Variants in NFIL3 observed in about 807,000 individuals in gnomAD.
The protein encoded by NFIL3 is nuclear factor interleukin-3-regulated protein.
In NFIL3, 5 loss-of-function variants were observed where a neutral mutation model predicts 10.0. That is an observed-to-expected ratio of 0.50 (90% CI 0.26 to 1.06). The LOEUF is 1.06. Ranked by LOEUF, NFIL3 falls within the 50% of genes least tolerant of loss-of-function variation. NFIL3 has a pLI of 0.13. For synonymous variants in NFIL3, 202 were observed against 206.5 expected, an observed-to-expected ratio of 0.98 and a Z score of 0.19; for missense variants, 436 against 547.6, an observed-to-expected ratio of 0.80 and a Z score of 2.03.
the NFIL3 span, among the ~76,000 whole-genome samples, chr9:91,479,062 C>T: frequency 6.6e-6 from 1 of 152,186 alleles, no homozygotes; most frequent in Non-Finnish European, 1.5e-5. Context: ...CGGAGCTCTC[C>T]TGTATGAGGT....
At chr9:91,433,190 G>A in the NFIL3 span, among the ~76,000 whole-genome samples, 14 of 152,190 alleles carry the variant, frequency 9.2e-5, no homozygotes, top group African/African-American at 3.4e-4. Context: ...TGGACAAGAT[G>A]TTAATATTTA....
At chr9:91,415,706 C>T (rs1833641777) in intron 1 of NFIL3, among the ~76,000 whole-genome samples, 1 of 151,880 alleles carries the variant, frequency 6.6e-6, no homozygotes, top group Non-Finnish European at 1.5e-5. Flanking sequence ...TGGCTCACCA[C>T]AACTTCCACC....
chr9:91,441,150 G>A, the NFIL3 span, among the ~76,000 whole-genome samples: 2 of 152,012 alleles, frequency 1.3e-5, no homozygotes, highest in African/African-American at 2.4e-5. Flanking sequence ...CTTTCTTCAT[G>A]TCCATTAATA....
intron 1 of NFIL3, among the ~76,000 whole-genome samples, chr9:91,412,038 A>AC (rs1833560153): frequency 7.2e-6 from 1 of 138,562 alleles, no homozygotes. Context: ...GGAGGCAGAG[A>AC]TTGCAGTGAG....
At chr9:91,429,639 C>T in the NFIL3 span, among the ~76,000 whole-genome samples, 2,015 of 151,838 alleles carry the variant, frequency 0.013, 48 homozygotes, top group East Asian at 0.078. Context: ...AAATTGGGTG[C>T]TTGACCGCAT....
At chr9:91,441,432 T>G in the NFIL3 span, among the ~76,000 whole-genome samples, 2 of 152,170 alleles carry the variant, frequency 1.3e-5, no homozygotes, top group South Asian at 2.1e-4. Flanking sequence ...AGGAAGCATA[T>G]AGTTGGATCT....
chr9:91,474,667 T>C, the NFIL3 span, among the ~76,000 whole-genome samples: 1 of 152,228 alleles, frequency 6.6e-6, no homozygotes, highest in Non-Finnish European at 1.5e-5. Flanking sequence ...ACCTAAATTG[T>C]GGATTTTCAT....
the NFIL3 span, among the ~76,000 whole-genome samples, chr9:91,479,263 G>A: frequency 2.6e-5 from 4 of 152,180 alleles, no homozygotes; most frequent in Non-Finnish European, 4.4e-5. Context: ...TTTCCCCCAG[G>A]TGCTCTGTCC....
At chr9:91,422,297 C>G (rs972990046) in intron 1 of NFIL3, among the ~76,000 whole-genome samples, 3 of 152,126 alleles carry the variant, frequency 2.0e-5, no homozygotes, top group African/African-American at 7.2e-5. Context: ...TGCACACAGC[C>G]CTGGAGAAAA....
the NFIL3 span, among the ~76,000 whole-genome samples, chr9:91,445,658 G>A: frequency 3.3e-5 from 5 of 152,136 alleles, no homozygotes; most frequent in African/African-American, 9.7e-5. Context: ...GGCACTGGGG[G>A]CGCAAGACTG....
At chr9:91,464,300 A>G in the NFIL3 span, among the ~76,000 whole-genome samples, 29,962 of 151,836 alleles carry the variant, frequency 0.2, 3,530 homozygotes, top group East Asian at 0.49. Flanking sequence ...GGCATATCAA[A>G]TATACCTCTG....
chr9:91,409,578 G>A lies in NFIL3; in HGVS notation c.1157C>T (p.Thr386Ile). 1 of 1,614,156 alleles carries A rather than the reference G, an allele frequency of 6.2e-7. No individual in the cohort carries two copies. Among genetic ancestry groups the A allele is most frequent in the Non-Finnish European group, 8.5e-7 (1 of 1,180,010 alleles). The part of the protein sequence containing the change: ...SSLTPFSVQV[T>I]NIQDWSLKSE... ...TTTGAGAGACCAATCTTGAATGTTA[G>A]TCACTTGCACTGAGAAAGGAGTAAG... is the stretch of plus-strand genomic sequence containing the variant. The change falls in exon 2 of 2, where the codon ACT becomes ATT. Residue 386 changes from threonine to isoleucine, a missense_variant. By Grantham distance (89) the Thr-to-Ile change is moderately conservative. Transcript: ENST00000297689.
At chr9:91,478,401 A>C in the NFIL3 span, among the ~76,000 whole-genome samples, 1 of 150,996 alleles carries the variant, frequency 6.6e-6, no homozygotes, top group African/African-American at 2.4e-5. Context: ...CATTAAGTTG[A>C]TCTTTAATCT....
the NFIL3 span, among the ~76,000 whole-genome samples, chr9:91,468,991 G>C: frequency 6.6e-6 from 1 of 152,120 alleles, no homozygotes; most frequent in Admixed American, 6.6e-5. Context: ...TGTTCTTTTT[G>C]CTTAGGATTG....
the NFIL3 span, among the ~76,000 whole-genome samples, chr9:91,456,281 G>A: frequency 6.6e-6 from 1 of 152,062 alleles, no homozygotes; most frequent in East Asian, 1.9e-4. Flanking sequence ...GTAGGTTAAT[G>A]GTTAATTTTT....
the NFIL3 span, among the ~76,000 whole-genome samples, chr9:91,450,050 C>G: frequency 1.3e-5 from 2 of 152,066 alleles, no homozygotes; most frequent in Admixed American, 1.3e-4. Flanking sequence ...ATAGTAATGT[C>G]TTCACTTTTA....
chr9:91,468,530 TCTTTA>T, the NFIL3 span, among the ~76,000 whole-genome samples: 1 of 152,198 alleles, frequency 6.6e-6, no homozygotes, highest in Non-Finnish European at 1.5e-5. Flanking sequence ...GTGTAGAAGC[TCTTTA>T]CTTTAATTAG....
the NFIL3 span, among the ~76,000 whole-genome samples, chr9:91,433,424 A>C: frequency 6.6e-6 from 1 of 152,212 alleles, no homozygotes; most frequent in South Asian, 2.1e-4. Flanking sequence ...TCTACTTACA[A>C]GCTTATTCAT....
the NFIL3 span, among the ~76,000 whole-genome samples, chr9:91,430,355 C>T: frequency 6.6e-6 from 1 of 152,150 alleles, no homozygotes; most frequent in Non-Finnish European, 1.5e-5. Context: ...AGTGATGTCC[C>T]ATGCCTGCTG....
Sources: allele counts gnomAD v4.1 joint callset (sites outside exome capture counted in the v4.1 genomes callset), GRCh38; gene constraint gnomAD v4.1.1; transcripts MANE v1.5; gene names NCBI Gene and HGNC (gene_info 2026-07-23, HGNC 2026-07-21).